ECD: variants seen among roughly 807,000 people sequenced by gnomAD.
The protein encoded by ECD is ecdysoneless cell cycle regulator, also known as protein ecdysoneless homolog.
In ECD, 59 loss-of-function variants were observed where a neutral mutation model predicts 77.2. The observed-to-expected ratio is 0.76, with a 90% CI of 0.62 to 0.95. ECD has a LOEUF of 0.95. ECD is among the 40% of genes least tolerant of loss of function. The pLI, the probability that ECD is intolerant of heterozygous loss-of-function variation, is 0.00. For missense variants in ECD, 704 were observed against 763.4 expected (o/e 0.92, Z 0.92); for synonymous variants, 233 against 267.4 (o/e 0.87, Z 1.26).
chr10:73,157,538 G>A (rs1843312569), intron 3 of ECD, among the ~76,000 whole-genome samples: 1 of 150,492 alleles, frequency 6.6e-6, no homozygotes, highest in African/African-American at 2.4e-5. Flanking sequence ...GACCAACATG[G>A]AGAAACCCCG....
At chr10:73,139,248 G>A (rs1843017792) in intron 11 of ECD, 61 bp downstream of exon 11, 2 of 1,391,646 alleles carry the variant, frequency 1.4e-6, no homozygotes, top group Admixed American at 4.8e-5. Context: ...AAATGGCAAT[G>A]ACTATGACTT....
At chr10:73,158,040 A>G (rs1245227154) in intron 3 of ECD, among the ~76,000 whole-genome samples, 1 of 151,960 alleles carries the variant, frequency 6.6e-6, no homozygotes, top group East Asian at 1.9e-4. Flanking sequence ...CACTCACTGC[A>G]ACCTCTACCT....
intron 13 of ECD, among the ~76,000 whole-genome samples, chr10:73,136,163 T>G (rs764854608): frequency 3.3e-5 from 5 of 152,206 alleles, no homozygotes; most frequent in Non-Finnish European, 5.9e-5. Context: ...TAGACAGTGG[T>G]GGCATTAAAA....
chr10:73,148,310 A>G lies in ECD; in HGVS notation c.1007T>C (p.Phe336Ser). The G allele has an allele frequency of 6.2e-7, 1 of 1,613,766 alleles. No homozygotes were observed. Among genetic ancestry groups the G allele is most frequent in the Non-Finnish European group, 8.5e-7 (1 of 1,179,778 alleles). The change falls in exon 8 of 14, where the codon TTC (phenylalanine) becomes TCC (serine). Residue 336 changes from phenylalanine to serine, a missense_variant. Physicochemically the swap from Phe to Ser is radical, Grantham distance 155. Transcript: ENST00000372979. ...LVTASPLWAS[F>S]LESLKKNDYF... ...ATCATTCTTTTTCAGACTTTCAAGG[A>G]AACTGGCCCAGAGTGGTGAGGCAGT...
intron 9 of ECD, among the ~76,000 whole-genome samples, chr10:73,143,300 C>G (rs1843081811): frequency 6.6e-6 from 1 of 152,162 alleles, no homozygotes; most frequent in Non-Finnish European, 1.5e-5. Flanking sequence ...TCCCGAGCAG[C>G]TGGGATTACA....
intron 9 of ECD, among the ~76,000 whole-genome samples, chr10:73,143,399 C>G (rs1399667447): frequency 1.3e-5 from 2 of 152,196 alleles, no homozygotes; most frequent in Admixed American, 1.3e-4. Context: ...AACTCCTGAC[C>G]TCGTGATCCA....
chr10:73,151,594 CA>C (rs570720417), intron 7 of ECD, among the ~76,000 whole-genome samples: 36 of 141,714 alleles, frequency 2.5e-4, no homozygotes, highest in South Asian at 4.5e-4. Flanking sequence ...TGAAAGCAAA[CA>C]AAAAAAAAAG....
At chr10:73,162,235 G>T (rs758117867) in intron 2 of ECD, among the ~76,000 whole-genome samples, 8 of 152,266 alleles carry the variant, frequency 5.3e-5, no homozygotes, top group Non-Finnish European at 1.2e-4. Context: ...GGCTGTTGTT[G>T]TTTTCCAGAT....
At chr10:73,145,291 G>A (rs970368964) in intron 9 of ECD, among the ~76,000 whole-genome samples, 2 of 151,920 alleles carry the variant, frequency 1.3e-5, no homozygotes, top group African/African-American at 4.8e-5. Context: ...TTGAACCCGG[G>A]AGGCAGAGCA....
At chr10:73,137,853 C>T in intron 12 of ECD, 150 bp downstream of exon 12, 1 of 477,998 alleles carries the variant, frequency 2.1e-6, no homozygotes, top group Non-Finnish European at 3.6e-6. Flanking sequence ...CAAAATTATT[C>T]ATGGGTAGTA....
chr10:73,139,868 A>C, intron 9 of ECD, 131 bp from the exon 10 acceptor site: 1 of 529,652 alleles, frequency 1.9e-6, no homozygotes, highest in Non-Finnish European at 3.0e-6. Flanking sequence ...TTTTTTTTTT[A>C]AGAGATGGGG....
rs755903186 is a variant in ECD, at chr10:73,139,727, TAGCAAGAGAACTATGAAAAATAAAAAAC to T, written c.1128-18_1137del. ...GTTAAGATTTCTTCACCAGGGCTCA[TAGCAAGAGAACTATGAAAAATAAAAAAC>T]ATGAGTATTTCTTCATAAGAGAACA... On this transcript the variant is annotated splice_acceptor_variant and splice_polypyrimidine_tract_variant and coding_sequence_variant and intron_variant, in exon 10 of 14. Transcript: ENST00000372979. LOFTEE classifies it high-confidence loss of function. 1.3e-6 allele frequency: 2 copies of T among 1,597,574 alleles called. No individual in the cohort carries two copies. The highest frequency in any genetic ancestry group is 1.7e-6 in the Non-Finnish European group (2 of 1,171,880).
At chr10:73,166,160 AT>A (rs373771139) in intron 1 of ECD, among the ~76,000 whole-genome samples, 7,383 of 146,382 alleles carry the variant, frequency 0.05, 549 homozygotes, top group African/African-American at 0.16. Flanking sequence ...ACAGAATCTC[AT>A]TTTTTTTTTT....
In ECD at chr10:73,148,415, T is replaced by A; in HGVS notation, c.913-11A>T. 1.2e-6 allele frequency: 2 copies of A among 1,603,502 alleles called. No individual in the cohort carries two copies. Among genetic ancestry groups the A allele is most frequent in the Non-Finnish European group, 1.7e-6 (2 of 1,175,872 alleles). ...CTCAAATCCATGAGCCTAGATGAGA[T>A]AGGTAGAATTTTTGTTACTAAGTTC... On this transcript the variant is annotated splice_polypyrimidine_tract_variant and intron_variant, in intron 7 of 13. Transcript: ENST00000372979.
intron 6 of ECD, among the ~76,000 whole-genome samples, 198 bp from the exon 7 acceptor site, chr10:73,152,619 A>G (rs1843228733): frequency 6.6e-6 from 1 of 152,098 alleles, no homozygotes; most frequent in Non-Finnish European, 1.5e-5. Flanking sequence ...CATAAAATTT[A>G]CCCTACTGCT....
intron 9 of ECD, 33 bp from the exon 10 acceptor site, chr10:73,139,770 A>G (rs1436309917): frequency 7.2e-7 from 1 of 1,396,496 alleles, no homozygotes. Flanking sequence ...GTATTTCTTC[A>G]TAAGAGAACA....
chr10:73,134,939 C>A, intron 13 of ECD, 126 bp from the exon 14 acceptor site: 1 of 788,336 alleles, frequency 1.3e-6, no homozygotes, highest in South Asian at 1.8e-5. Flanking sequence ...AACTTCTTAT[C>A]CTTGGTGATA....
intron 9 of ECD, among the ~76,000 whole-genome samples, chr10:73,143,489 A>C (rs1843084806): frequency 6.6e-6 from 1 of 151,934 alleles, no homozygotes; most frequent in Non-Finnish European, 1.5e-5. Context: ...GTATATTTAA[A>C]ATTTTTATAT....
chr10:73,156,404 G>A lies in ECD; in HGVS notation c.461C>T (p.Ser154Phe), dbSNP rs147438502. The A allele has an allele frequency of 8.4e-5, 135 of 1,613,190 alleles. No homozygotes were observed. Among genetic ancestry groups the A allele is most frequent in the South Asian group, 8.8e-5 (8 of 90,822 alleles). ...GGTGGGTAACCAAGATTCTGCTCCA[G>A]ATTTTCTTGGTGCAGGGATAATACA... ...ELCIIPAPRK[S>F]GAESWLPTTP... Residue 154 changes from serine to phenylalanine, a missense_variant, in exon 5 of 14, where the codon TCT (serine) becomes TTT (phenylalanine). Ser to Phe is a radical substitution (Grantham distance 155, BLOSUM62 -2). Around this residue, in one of 3 missense-constraint regions of ECD, gnomAD observed 559 missense variants for 583.7 expected, o/e 0.96. Transcript: ENST00000372979.
Sources: allele counts gnomAD v4.1 joint callset (sites outside exome capture counted in the v4.1 genomes callset), GRCh38; gene constraint gnomAD v4.1.1; regional missense constraint gnomAD v4.1.1; transcripts MANE v1.5; gene names NCBI Gene and HGNC (gene_info 2026-07-23, HGNC 2026-07-21).